The following AKAP13 variants were observed in gnomAD, a reference collection of about 807,000 sequenced individuals.
AKAP13 encodes A-kinase anchoring protein 13, also known as A-kinase anchor protein 13.
AKAP13 carries 80 observed loss-of-function variants against 264.5 expected under a neutral mutation model. That is an observed-to-expected ratio of 0.30 (90% CI 0.25 to 0.36). AKAP13 has a LOEUF of 0.36. Among genes scored for constraint, AKAP13 ranks in the 10% least tolerant of loss-of-function variants. AKAP13 has a pLI of 1.00. For missense variants in AKAP13, 3,712 were observed against 3,435.2 expected, an observed-to-expected ratio of 1.08 and a Z score of -2.01; for synonymous variants, 1,380 against 1,250.2, an observed-to-expected ratio of 1.10 and a Z score of -2.19.
At chr15:85,606,728 A>T (rs1170970203) in intron 8 of AKAP13, among the ~76,000 whole-genome samples, 1 of 152,228 alleles carries the variant, frequency 6.6e-6, no homozygotes, top group Non-Finnish European at 1.5e-5. Context: ...ACATCATGGC[A>T]GGGTCAAGGA....
At chr15:85,656,193 G>A (rs1310968158) in intron 11 of AKAP13, among the ~76,000 whole-genome samples, 1 of 152,184 alleles carries the variant, frequency 6.6e-6, no homozygotes, top group Non-Finnish European at 1.5e-5. Context: ...AAGTCTTACA[G>A]TCTTAACACA....
chr15:85,584,372 A>G (rs1037331952), intron 7 of AKAP13, among the ~76,000 whole-genome samples: 2 of 152,140 alleles, frequency 1.3e-5, no homozygotes, highest in Non-Finnish European at 2.9e-5. Flanking sequence ...CTGTGCCAAG[A>G]TGCATCTTTT....
chr15:85,733,840 T>C (rs1206781463), intron 30 of AKAP13, among the ~76,000 whole-genome samples: 2 of 151,454 alleles, frequency 1.3e-5, no homozygotes, highest in Admixed American at 1.3e-4. Context: ...GTTAGTTCTT[T>C]CATGTCTTTT....
At chr15:85,475,633 T>TA (rs1201569296) in intron 1 of AKAP13, among the ~76,000 whole-genome samples, 1 of 152,214 alleles carries the variant, frequency 6.6e-6, no homozygotes, top group African/African-American at 2.4e-5. Flanking sequence ...TGGTCCCTAT[T>TA]ACCTCTCTGG....
chr15:85,494,299 A>G (rs566752076), intron 2 of AKAP13, among the ~76,000 whole-genome samples: 8 of 152,308 alleles, frequency 5.3e-5, no homozygotes, highest in African/African-American at 1.7e-4. Context: ...GCTGAAAAGG[A>G]AACAAGAGTT....
chr15:85,740,643 T>C, intron 34 of AKAP13: 1 of 320,298 alleles, frequency 3.1e-6, no homozygotes, highest in Non-Finnish European at 5.8e-6. Context: ...TGTTTCGGAC[T>C]TCCCAGGAAC....
rs1368767551 is a variant in AKAP13 at position 85,724,777 on chromosome 15, CTG to C, written c.6745+1460_6745+1461del. On this transcript the variant is annotated intron_variant, in intron 26 of 36. Coordinates refer to ENST00000394518, the MANE Select transcript of AKAP13 (RefSeq NM_007200.5). This position sits in a 1 kb window ranked among gnomAD's most constrained non-coding sequence, Gnocchi z 4.2. ...AGAGAGACTGGTGACAGATAAGAGA[CTG>C]TGCAGTGCTTTGGGGAAGAGCTCAT... 6.6e-6 allele frequency among the ~76,000 whole-genome samples: 1 copy of C among 151,816 alleles called. No homozygotes were observed. The highest frequency in any genetic ancestry group is 1.5e-5 in the Non-Finnish European group (1 of 68,010).
chr15:85,585,081 T>C (rs1252232593), intron 7 of AKAP13, among the ~76,000 whole-genome samples: 1 of 152,184 alleles, frequency 6.6e-6, no homozygotes, highest in South Asian at 2.1e-4. Flanking sequence ...TGAGAAAACA[T>C]GCGCAGAAAC....
chr15:85,739,483 T>C (rs1447881803), intron 33 of AKAP13, among the ~76,000 whole-genome samples: 3 of 152,222 alleles, frequency 2.0e-5, no homozygotes, highest in African/African-American at 7.2e-5. Flanking sequence ...TGTCATAATG[T>C]TCTATGAGAG....
intron 1 of AKAP13, among the ~76,000 whole-genome samples, chr15:85,484,334 T>C (rs1296989854): frequency 6.6e-6 from 1 of 152,206 alleles, no homozygotes; most frequent in Non-Finnish European, 1.5e-5. Context: ...TGGTTTTCAG[T>C]GTGGATTTCT....
chr15:85,582,073 C>G lies in AKAP13; in HGVS notation c.4005C>G (p.Ile1335Met), dbSNP rs7179919. The change falls in exon 7 of 37, where the codon ATC becomes ATG. Residue 1335 changes from isoleucine to methionine, a missense_variant. Physicochemically the swap from Ile to Met is conservative, Grantham distance 10. Around this residue, in one of 3 missense-constraint regions of AKAP13, gnomAD observed 2,759 missense variants for 2,411.7 expected, o/e 1.14. Coordinates refer to ENST00000394518, the MANE Select transcript of AKAP13 (RefSeq NM_007200.5). ...CFAGREEPEK[I>M]ILPVQGPEPA... Reference sequence around the variant, plus strand: ...CTGGAAGGGAGGAGCCAGAGAAGATCATTTTACCTGTCCAGGGGCCTGAGC... The same window carrying G: ...CTGGAAGGGAGGAGCCAGAGAAGATGATTTTACCTGTCCAGGGGCCTGAGC... 15 of 1,611,518 alleles carry G rather than the reference C, an allele frequency of 9.3e-6. No individual in the cohort carries two copies. Among genetic ancestry groups the G allele is most frequent in the Non-Finnish European group, 6.8e-6 (8 of 1,178,878 alleles).
chr15:85,531,293 A>G (rs2077234164), intron 3 of AKAP13, among the ~76,000 whole-genome samples: 1 of 151,666 alleles, frequency 6.6e-6, no homozygotes. Flanking sequence ...TTCTTGTAGA[A>G]CTCCTCTCAT....
intron 8 of AKAP13, among the ~76,000 whole-genome samples, chr15:85,637,103 T>C (rs936836833): frequency 9.2e-5 from 14 of 152,262 alleles, no homozygotes; most frequent in African/African-American, 3.4e-4. Context: ...CTGAGGAATA[T>C]TGATCTATAG....
intron 33 of AKAP13, among the ~76,000 whole-genome samples, chr15:85,738,269 G>C (rs1035888386): frequency 1.3e-5 from 2 of 151,876 alleles, no homozygotes; most frequent in African/African-American, 2.4e-5. Context: ...GTGGACGCCT[G>C]TAATCCCAGC....
chr15:85,468,607 C>G (rs952069054), intron 1 of AKAP13, among the ~76,000 whole-genome samples: 2 of 152,130 alleles, frequency 1.3e-5, no homozygotes, highest in African/African-American at 2.4e-5. Flanking sequence ...ATATTTTGTT[C>G]TTTATCCAAG....
intron 2 of AKAP13, among the ~76,000 whole-genome samples, chr15:85,513,379 T>A (rs965180400): frequency 6.6e-6 from 1 of 152,124 alleles, no homozygotes; most frequent in Non-Finnish European, 1.5e-5. Context: ...TTTTACAATT[T>A]TTTATTTTTA....
rs55928032 is a variant in AKAP13 at position 85,631,502 on chromosome 15, TCACACACACACACACACACACACACA to T, written c.4162-7846_4162-7821del. 1.1e-4 allele frequency among the ~76,000 whole-genome samples: 15 copies of T among 141,060 alleles called. No homozygotes were observed. In the South Asian group the frequency reaches 2.8e-3, roughly 26 times the overall value. The allele number at this position is 141,060 out of a possible 152,430, so 92.5% of individuals were successfully genotyped here. On this transcript the variant is annotated intron_variant, in intron 8 of 36. Transcript: ENST00000394518. ...CACACTTTCTCTCTCTCTCTCTCTC[TCACACACACACACACACACACACACA>T]CACACACACACACACACACACACAC...
chr15:85,556,201 T>G (rs1412289556), intron 5 of AKAP13, among the ~76,000 whole-genome samples: 1 of 152,238 alleles, frequency 6.6e-6, no homozygotes. Flanking sequence ...CCTCAGAGTT[T>G]TTGTGAGGAT....
chr15:85,512,308 A>T (rs1432175345), intron 2 of AKAP13, among the ~76,000 whole-genome samples: 1 of 151,988 alleles, frequency 6.6e-6, no homozygotes, highest in Non-Finnish European at 1.5e-5. Context: ...CCCAAGCAAC[A>T]CGTTTGGGTT....
Sources: gnomAD v4.1 joint callset for allele counts (sites outside exome capture counted in the v4.1 genomes callset) on GRCh38, gnomAD v4.1.1 for gene constraint, gnomAD v4.1.1 regional missense constraint, Gnocchi (gnomAD v3.1) non-coding constraint, MANE v1.5 for transcripts, NCBI Gene and HGNC (gene_info 2026-07-23, HGNC 2026-07-21) for gene names.